The following ST8SIA5 variants were observed in gnomAD, a reference collection of about 807,000 sequenced individuals.
ST8SIA5 encodes the protein alpha-2,8-sialyltransferase 8E.
ST8SIA5 carries 24 observed loss-of-function variants against 40.2 expected under a neutral mutation model. That is an observed-to-expected ratio of 0.60 (90% CI 0.43 to 0.84). The LOEUF (loss-of-function observed/expected upper bound fraction) is 0.84, where lower values mean the gene tolerates loss of function less well. Among genes scored for constraint, ST8SIA5 ranks in the 40% least tolerant of loss-of-function variants. The pLI is 0.00. For synonymous variants in ST8SIA5, 198 were observed against 201.8 expected, an observed-to-expected ratio of 0.98 and a Z score of 0.16; for missense variants, 465 against 498.5, an observed-to-expected ratio of 0.93 and a Z score of 0.64.
At chr18:46,699,590 AG>A (rs1431755236) in intron 2 of ST8SIA5, among the ~76,000 whole-genome samples, 1 of 152,164 alleles carries the variant, frequency 6.6e-6, no homozygotes, top group Non-Finnish European at 1.5e-5. Flanking sequence ...AGTGTTAGCC[AG>A]AATGGTCTCG....
At chr18:46,684,474 G>A (rs987791261) in intron 5 of ST8SIA5, among the ~76,000 whole-genome samples, 6 of 152,146 alleles carry the variant, frequency 3.9e-5, no homozygotes, top group African/African-American at 1.4e-4. Context: ...CTGACCCCAA[G>A]GGGTAGTTAC....
chr18:46,690,292 C>T (rs1055382739), intron 3 of ST8SIA5, among the ~76,000 whole-genome samples: 2 of 152,182 alleles, frequency 1.3e-5, no homozygotes, highest in Non-Finnish European at 2.9e-5. Context: ...TTCTAGCACC[C>T]ACCTGACACT....
chr18:46,752,844 T>C (rs2040207000), intron 1 of ST8SIA5, among the ~76,000 whole-genome samples: 1 of 152,226 alleles, frequency 6.6e-6, no homozygotes, highest in Non-Finnish European at 1.5e-5. Context: ...GGCTCTGAAG[T>C]GGACCTGCTC....
chr18:46,740,882 A>C (rs1174669191), intron 1 of ST8SIA5, among the ~76,000 whole-genome samples: 4 of 152,174 alleles, frequency 2.6e-5, no homozygotes, highest in African/African-American at 9.7e-5. Flanking sequence ...TCGTAAATGC[A>C]ATGTCGTTCT....
At chr18:46,728,542 C>T (rs1033840420) in intron 1 of ST8SIA5, among the ~76,000 whole-genome samples, 2 of 152,216 alleles carry the variant, frequency 1.3e-5, no homozygotes, top group Admixed American at 6.5e-5. Context: ...CTTAGGTTCC[C>T]CAAAGAAGCC....
At chr18:46,751,292 T>C (rs1203321047) in intron 1 of ST8SIA5, among the ~76,000 whole-genome samples, 1 of 152,240 alleles carries the variant, frequency 6.6e-6, no homozygotes, top group Non-Finnish European at 1.5e-5. Context: ...ATCCATGTTG[T>C]AGCACATTTC....
chr18:46,680,327 C>T lies in ST8SIA5; in HGVS notation c.846G>A (p.Leu282=), dbSNP rs1568247054. 5.0e-6 allele frequency: 8 copies of T among 1,614,242 alleles called. No individual in the cohort carries two copies. Among genetic ancestry groups the T allele is most frequent in the Non-Finnish European group, 5.1e-6 (6 of 1,180,048 alleles). The change falls in exon 7 of 7, where the codon CTG becomes CTA. Residue 282 remains leucine (L), a synonymous_variant. Transcript: ENST00000315087. ...TGAGCCAGTAGCGCGACACGTTGAC[C>T]AGGTACTGCGGATGGAAGTAGTAGA... ...QAVYYFHPQY[L]VNVSRYWLSL...
In ST8SIA5 at chr18:46,669,960, T is replaced by C. The variant is rs1427646888; in HGVS notation, c.*10082A>G. On this transcript the variant is annotated 3_prime_UTR_variant, in exon 7 of 7. Coordinates refer to ENST00000315087, the MANE Select transcript of ST8SIA5 (RefSeq NM_013305.6). ...GGTGGGCGCCTGTAATCCCAGCTAC[T>C]TGGGAGGCTGAGGCAGGAGAATCAC... 2.0e-5 allele frequency: 3 copies of C among 151,966 alleles called. No individual in the cohort carries two copies. Among genetic ancestry groups the C allele is most frequent in the Non-Finnish European group, 4.4e-5 (3 of 68,038 alleles). The allele number at this position is 151,966 out of a possible 1,614,324, so 9.4% of individuals were successfully genotyped here.
chr18:46,737,788 T>G (rs79612019), intron 1 of ST8SIA5, among the ~76,000 whole-genome samples: 1 of 152,068 alleles, frequency 6.6e-6, no homozygotes, highest in Non-Finnish European at 1.5e-5. Context: ...TTTTTTTTTT[T>G]GAGACAGAGT....
chr18:46,719,792 CTT>C (rs1276283159), intron 1 of ST8SIA5, among the ~76,000 whole-genome samples: 6 of 128,522 alleles, frequency 4.7e-5, no homozygotes, highest in Non-Finnish European at 9.9e-5. Flanking sequence ...CTTTTTCTTT[CTT>C]TCTCTCTCTC....
intron 1 of ST8SIA5, among the ~76,000 whole-genome samples, chr18:46,734,110 G>A (rs117667273): frequency 0.011 from 1,668 of 152,242 alleles, 17 homozygotes; most frequent in South Asian, 0.024. Flanking sequence ...AGATTAGAGC[G>A]GAGATGCTTC....
At chr18:46,714,807 G>A (rs539364364) in intron 1 of ST8SIA5, among the ~76,000 whole-genome samples, 2 of 152,298 alleles carry the variant, frequency 1.3e-5, no homozygotes, top group South Asian at 4.1e-4. Context: ...CCCAGAGTTG[G>A]GTTAATGACC....
intron 1 of ST8SIA5, among the ~76,000 whole-genome samples, chr18:46,735,471 A>T (rs544378150): frequency 8.5e-5 from 13 of 152,350 alleles, no homozygotes; most frequent in Non-Finnish European, 1.6e-4. Flanking sequence ...GCCACATTAT[A>T]AAAAAGTAAA....
intron 1 of ST8SIA5, among the ~76,000 whole-genome samples, chr18:46,728,925 C>G (rs2039958889): frequency 6.6e-6 from 1 of 152,178 alleles, no homozygotes; most frequent in Non-Finnish European, 1.5e-5. Flanking sequence ...CCAGAACCTT[C>G]CAAGACTGCC....
At chr18:46,719,410 A>G (rs559916301) in intron 1 of ST8SIA5, among the ~76,000 whole-genome samples, 205 of 152,304 alleles carry the variant, frequency 1.3e-3, no homozygotes, top group African/African-American at 4.6e-3. Flanking sequence ...ATGGGGAGGA[A>G]GAAAGGAAGG....
At position 46,672,255 on chromosome 18, in the gene ST8SIA5, G is replaced by A. The variant is rs2039313207; in HGVS notation, c.*7787C>T. On this transcript the variant is annotated 3_prime_UTR_variant, in exon 7 of 7. Transcript: ENST00000315087. ...CAAGGCATAGACTGCCTGCCTTAGG[G>A]TAATGACTCCCAACCATGTGAGACA... 6.6e-6 allele frequency: 1 copy of A among 152,140 alleles called. No individual in the cohort carries two copies. Among genetic ancestry groups the A allele is most frequent in the Admixed American group, 6.5e-5 (1 of 15,284 alleles). The allele number at this position is 152,140 out of a possible 1,614,324, so 9.4% of individuals were successfully genotyped here. A position where few individuals can be genotyped will look rare whatever the true frequency, so the allele number is the denominator to read the frequency against.
At chr18:46,747,475 C>T (rs1179622935) in intron 1 of ST8SIA5, among the ~76,000 whole-genome samples, 1 of 152,190 alleles carries the variant, frequency 6.6e-6, no homozygotes, top group East Asian at 1.9e-4. Context: ...AAAAAATGCT[C>T]ATCATCACTG....
intron 1 of ST8SIA5, among the ~76,000 whole-genome samples, chr18:46,718,013 T>G (rs147170378): frequency 9.0e-4 from 137 of 152,330 alleles, no homozygotes; most frequent in African/African-American, 3.0e-3. Context: ...AACACCCACT[T>G]AAATAGAAAT....
rs562529853 is a variant in ST8SIA5 at position 46,688,788 on chromosome 18, C to T, written c.443G>A (p.Arg148His). The change falls in exon 4 of 7, where the codon CGC becomes CAC. Residue 148 changes from arginine (R) to histidine (H), a missense_variant. Coordinates refer to ENST00000315087, the MANE Select transcript of ST8SIA5 (RefSeq NM_013305.6). ...CCAAAGCAGCACCTTGGGAAACATG[C>T]GGAAGATCTCCTGGTTGATGTGGTA... ...GIYHINQEIF[R>H]MFPKDMPYYR... 40 of 1,612,554 alleles carry T rather than the reference C, an allele frequency of 2.5e-5. No homozygotes were observed. Among genetic ancestry groups the T allele is most frequent in the Admixed American group, 3.3e-5 (2 of 59,876 alleles).
Sources: gnomAD v4.1 joint callset for allele counts (sites outside exome capture counted in the v4.1 genomes callset) on GRCh38, gnomAD v4.1.1 for gene constraint, MANE v1.5 for transcripts, NCBI Gene and HGNC (gene_info 2026-07-23, HGNC 2026-07-21) for gene names.